The following TP73 variants were observed in gnomAD, a reference collection of about 807,000 sequenced individuals.
TP73 encodes tumor protein p73.
A neutral mutation model predicts 62.5 loss-of-function variants in TP73; 25 were observed. The observed-to-expected ratio is 0.40, with a 90% CI of 0.29 to 0.56. The LOEUF (loss-of-function observed/expected upper bound fraction) is 0.56, where lower values mean the gene tolerates loss of function less well. TP73 is among the 20% of genes least tolerant of loss of function. TP73 has a pLI of 0.46. For synonymous variants in TP73, 423 were observed against 377.5 expected, an observed-to-expected ratio of 1.12 and a Z score of -1.40; for missense variants, 754 against 913.3, an observed-to-expected ratio of 0.83 and a Z score of 2.25.
chr1:3,677,310 G>A (rs1041904660), intron 1 of TP73, among the ~76,000 whole-genome samples: 1 of 152,140 alleles, frequency 6.6e-6, no homozygotes, highest in African/African-American at 2.4e-5. Context: ...GCCCTCGGTG[G>A]CTGGTCTTTG....
chr1:3,717,233 C>G (rs958113417), intron 4 of TP73, among the ~76,000 whole-genome samples: 1 of 152,210 alleles, frequency 6.6e-6, no homozygotes, highest in Non-Finnish European at 1.5e-5. Flanking sequence ...AGCAGCCCCC[C>G]GCTGCACCCT....
intron 3 of TP73, among the ~76,000 whole-genome samples, chr1:3,684,726 G>A (rs536404106): frequency 1.3e-4 from 20 of 152,234 alleles, no homozygotes; most frequent in African/African-American, 4.8e-4. Flanking sequence ...CCCTCAGCCT[G>A]TATCTGAGGG....
At chr1:3,679,892 C>A (rs527544402) in intron 1 of TP73, among the ~76,000 whole-genome samples, 1 of 145,358 alleles carries the variant, frequency 6.9e-6, no homozygotes, top group South Asian at 2.3e-4. Context: ...TGTCTCTCTC[C>A]GTCTCTCTGT....
intron 3 of TP73, among the ~76,000 whole-genome samples, chr1:3,690,216 C>T (rs190830302): frequency 5.9e-5 from 9 of 152,338 alleles, no homozygotes; most frequent in Admixed American, 2.6e-4. Context: ...TCACTCCCGT[C>T]ACCTGTCTCC....
intron 1 of TP73, chr1:3,668,637 T>C (rs1478485984): frequency 6.6e-6 from 1 of 152,136 alleles, no homozygotes; most frequent in Non-Finnish European, 1.5e-5. Flanking sequence ...GCTGGAAGCA[T>C]GTACTGGTGT....
chr1:3,677,760 C>T (rs978949088), intron 1 of TP73, among the ~76,000 whole-genome samples: 1 of 144,146 alleles, frequency 6.9e-6, no homozygotes, highest in Admixed American at 7.1e-5. Flanking sequence ...GTGGTGCAAT[C>T]ATGGCTCACT....
intron 3 of TP73, chr1:3,698,146 G>A (rs1638834030): frequency 4.1e-6 from 4 of 985,028 alleles, no homozygotes; most frequent in Non-Finnish European, 4.8e-6. Context: ...CACATCTGCA[G>A]GACAGGTGGA....
intron 1 of TP73, among the ~76,000 whole-genome samples, chr1:3,671,542 G>A (rs1437205999): frequency 6.6e-6 from 1 of 152,244 alleles, no homozygotes; most frequent in Admixed American, 6.5e-5. Flanking sequence ...TGTCTGCCCT[G>A]CAGGAGCCGG....
rs953286013 is a variant in TP73 at position 3,652,658 on chromosome 1, C to G, written c.-34+17C>G. 9 of 152,344 alleles carry G rather than the reference C, an allele frequency of 5.9e-5. No homozygotes were observed. The East Asian group carries it at 1.4e-3, about 23-fold the overall frequency. The allele number at this position is 152,344 out of a possible 1,614,324, so 9.4% of individuals were successfully genotyped here. A position where few individuals can be genotyped will look rare whatever the true frequency, so the allele number is the denominator to read the frequency against. ...CGGCTGCAGGTAGGAGGCCCAGGGC[C>G]GGGGGGCGGTTCGGCTCCGCGGGCG... On this transcript the variant is annotated intron_variant, in intron 1 of 13. Transcript: ENST00000378295.
intron 4 of TP73, among the ~76,000 whole-genome samples, chr1:3,717,259 C>T (rs183883106): frequency 5.3e-5 from 8 of 152,348 alleles, no homozygotes; most frequent in East Asian, 1.9e-4. Context: ...CACCCACCCC[C>T]GCACCAGCCC....
chr1:3,675,836 C>T (rs1366097955), intron 1 of TP73, among the ~76,000 whole-genome samples: 1 of 152,152 alleles, frequency 6.6e-6, no homozygotes, highest in Non-Finnish European at 1.5e-5. Context: ...ACTGACGAGG[C>T]CTTACCTGTG....
chr1:3,701,119 A>G lies in TP73; in HGVS notation c.187-6430A>G, dbSNP rs1202943558. Among the ~76,000 whole-genome samples, 2 of 152,276 alleles carry G rather than the reference A, an allele frequency of 1.3e-5. No homozygotes were observed. The highest frequency in any genetic ancestry group is 4.1e-4 in the South Asian group (2 of 4,820). On this transcript the variant is annotated intron_variant, in intron 3 of 13. Coordinates refer to ENST00000378295, the MANE Select transcript of TP73 (RefSeq NM_005427.4). This position sits in a 1 kb window ranked among gnomAD's most constrained non-coding sequence, Gnocchi z 4.7. Reference sequence around the variant, plus strand: ...CCGCGTGGATTTCAGGGTCTGTTTCATCCAACCAAGAGTTTCTGAGCGTCC... The same window carrying G: ...CCGCGTGGATTTCAGGGTCTGTTTCGTCCAACCAAGAGTTTCTGAGCGTCC...
rs532249955 is a variant in TP73 at position 3,709,000 on chromosome 1, C to T, written c.429+1209C>T. On this transcript the variant is annotated intron_variant, in intron 4 of 13. Transcript: ENST00000378295. ...CCTCAGGTTTTTCCGCTTTAAGAAT[C>T]GGGTCCCACTGCCCTGCTGGCCATA... Among the ~76,000 whole-genome samples the T allele has an allele frequency of 3.3e-4, 50 of 152,346 alleles. No individual in the cohort carries two copies. In the South Asian group the frequency reaches 4.6e-3, roughly 14 times the overall value.
intron 3 of TP73, among the ~76,000 whole-genome samples, chr1:3,698,849 C>T (rs1638903244): frequency 1.3e-5 from 2 of 152,212 alleles, no homozygotes; most frequent in South Asian, 2.1e-4. Context: ...GTGGGTGCTG[C>T]AGACGGGCTC....
chr1:3,691,018 A>T, intron 3 of TP73: 2 of 1,543,662 alleles, frequency 1.3e-6, no homozygotes, highest in East Asian at 4.9e-5. Context: ...TAGGGTTCAG[A>T]GGGGCATCCT....
Position 3,696,001 on chromosome 1 carries a change from C to T in TP73, c.187-11548C>T, listed in dbSNP as rs964688766. Among the ~76,000 whole-genome samples, 3 of 152,314 alleles carry T rather than the reference C, an allele frequency of 2.0e-5. No individual in the cohort carries two copies. The highest frequency in any genetic ancestry group is 7.2e-5 in the African/African-American group (3 of 41,568). Reference sequence around the variant, plus strand: ...TGCAGCAGAGCAGGGGTGAAAACGCCGCGGTCGGCCGTGGCTGTGTTGGAG... The same window carrying T: ...TGCAGCAGAGCAGGGGTGAAAACGCTGCGGTCGGCCGTGGCTGTGTTGGAG... On this transcript the variant is annotated intron_variant, in intron 3 of 13. Transcript: ENST00000378295. This position sits in a 1 kb window ranked among gnomAD's most constrained non-coding sequence, Gnocchi z 4.1.
At chr1:3,730,856 G>A in intron 11 of TP73, 71 bp from the exon 12 acceptor site, 4 of 1,505,180 alleles carry the variant, frequency 2.7e-6, no homozygotes. Flanking sequence ...GAGGTGTCTG[G>A]AGCCTGGGTG....
intron 6 of TP73, among the ~76,000 whole-genome samples, chr1:3,724,050 TG>T (rs1641314672): frequency 1.3e-5 from 1 of 74,700 alleles, no homozygotes; most frequent in South Asian, 4.1e-4. Flanking sequence ...TGCAGGGGAC[TG>T]GGGGGCATAT....
chr1:3,716,177 G>A (rs561704397), intron 4 of TP73, among the ~76,000 whole-genome samples: 1 of 152,326 alleles, frequency 6.6e-6, no homozygotes, highest in South Asian at 2.1e-4. Context: ...CTTGGCATCT[G>A]CAGAGGATGT....
Sources: gnomAD v4.1 joint callset for allele counts (sites outside exome capture counted in the v4.1 genomes callset) on GRCh38, gnomAD v4.1.1 for gene constraint, Gnocchi (gnomAD v3.1) non-coding constraint, MANE v1.5 for transcripts, NCBI Gene and HGNC (gene_info 2026-07-23, HGNC 2026-07-21) for gene names.